The following DIP2C variants were observed in gnomAD, a reference collection of about 807,000 sequenced individuals.
DIP2C encodes the protein DIP2 acetate--CoA ligase C (putative).
In DIP2C, 33 loss-of-function variants were observed where a neutral mutation model predicts 192.4. The ratio of observed to expected loss-of-function variants is 0.17; its 90% CI spans 0.13 to 0.23. The LOEUF (loss-of-function observed/expected upper bound fraction) is 0.23, where lower values mean the gene tolerates loss of function less well. Ranked by LOEUF, DIP2C falls within the 10% of genes least tolerant of loss-of-function variation. DIP2C has a pLI of 1.00. For synonymous variants in DIP2C, 979 were observed against 864.1 expected (o/e 1.13, Z -2.33); for missense variants, 1,537 against 2,110.1 (o/e 0.73, Z 5.32).
chr10:433,707 G>T (rs1966949837), intron 4 of DIP2C, among the ~76,000 whole-genome samples: 1 of 151,872 alleles, frequency 6.6e-6, no homozygotes. Flanking sequence ...ATAAATTAGT[G>T]TTAACATTTA....
intron 3 of DIP2C, among the ~76,000 whole-genome samples, chr10:461,164 A>G (rs1969742439): frequency 6.6e-6 from 1 of 152,266 alleles, no homozygotes; most frequent in African/African-American, 2.4e-5. Context: ...ATAACCAGCT[A>G]GCATCATAAT....
chr10:446,536 T>C (rs1412624230), intron 3 of DIP2C, among the ~76,000 whole-genome samples: 1 of 152,252 alleles, frequency 6.6e-6, no homozygotes, highest in Non-Finnish European at 1.5e-5. Flanking sequence ...GTAAATCAAG[T>C]GTCTCATGCC....
At chr10:572,002 C>T (rs1849845851) in intron 1 of DIP2C, among the ~76,000 whole-genome samples, 1 of 152,230 alleles carries the variant, frequency 6.6e-6, no homozygotes, top group Non-Finnish European at 1.5e-5. Context: ...TTTGCGAAAT[C>T]TAAGCAACAT....
intron 1 of DIP2C, among the ~76,000 whole-genome samples, chr10:576,779 C>T (rs953674699): frequency 2.0e-5 from 3 of 152,170 alleles, no homozygotes; most frequent in East Asian, 1.9e-4. Context: ...TGGTGGCACG[C>T]GCCTGTAACC....
chr10:375,045 G>A (rs1961405204), intron 17 of DIP2C, among the ~76,000 whole-genome samples: 1 of 152,220 alleles, frequency 6.6e-6, no homozygotes, highest in Non-Finnish European at 1.5e-5. Context: ...AGATATGGAA[G>A]GAGCAAAATA....
At chr10:337,746 C>A (rs972841871) in intron 29 of DIP2C, among the ~76,000 whole-genome samples, 1 of 61,168 alleles carries the variant, frequency 1.6e-5, no homozygotes, top group Non-Finnish European at 3.2e-5. Flanking sequence ...TTGTGGAGGA[C>A]TAGGCTGATG....
chr10:634,552 T>G (rs1465147341), intron 1 of DIP2C, among the ~76,000 whole-genome samples: 3 of 152,152 alleles, frequency 2.0e-5, no homozygotes, highest in Non-Finnish European at 4.4e-5. Flanking sequence ...TAGTACTTAC[T>G]GAACAACGTC....
intron 29 of DIP2C, among the ~76,000 whole-genome samples, chr10:338,423 A>AG (rs1386067067): frequency 2.9e-4 from 38 of 131,228 alleles, no homozygotes; most frequent in Admixed American, 2.5e-3. Flanking sequence ...TGCCCTACAC[A>AG]GTTTTTTTTT....
intron 1 of DIP2C, among the ~76,000 whole-genome samples, chr10:684,131 T>C (rs2119100338): frequency 6.6e-6 from 1 of 152,348 alleles, no homozygotes; most frequent in East Asian, 1.9e-4. Context: ...GAAAAGAACA[T>C]TCAAATCAAA....
chr10:678,801 A>G (rs868059576), intron 1 of DIP2C, among the ~76,000 whole-genome samples: 7 of 56,786 alleles, frequency 1.2e-4, no homozygotes, highest in South Asian at 7.3e-4. Context: ...CATGCTCCCC[A>G]CGCCCATGCT....
At chr10:552,170 G>A (rs978244919) in intron 1 of DIP2C, among the ~76,000 whole-genome samples, 4 of 152,208 alleles carry the variant, frequency 2.6e-5, no homozygotes, top group African/African-American at 4.8e-5. Context: ...GACCAAGAAT[G>A]GCAACTAATC....
chr10:454,239 T>C (rs1388837461), intron 3 of DIP2C, among the ~76,000 whole-genome samples: 1 of 152,240 alleles, frequency 6.6e-6, no homozygotes, highest in African/African-American at 2.4e-5. Flanking sequence ...ATCAGCTTCA[T>C]GCAGCATTGA....
chr10:491,019 G>T (rs1397645837), intron 1 of DIP2C, among the ~76,000 whole-genome samples: 1 of 152,218 alleles, frequency 6.6e-6, no homozygotes, highest in Non-Finnish European at 1.5e-5. Flanking sequence ...TACAAAAGCA[G>T]GGAAAGGTCT....
At chr10:289,340 G>C (rs536956346) in intron 32 of DIP2C, among the ~76,000 whole-genome samples, 1 of 151,952 alleles carries the variant, frequency 6.6e-6, no homozygotes, top group Non-Finnish European at 1.5e-5. Flanking sequence ...CACAATCATG[G>C]CTCATCGCAG....
At chr10:491,321 T>C (rs1023295374) in intron 1 of DIP2C, among the ~76,000 whole-genome samples, 1 of 152,224 alleles carries the variant, frequency 6.6e-6, no homozygotes, top group Non-Finnish European at 1.5e-5. Flanking sequence ...ATGCTGGAAT[T>C]AATAGTTTAT....
intron 1 of DIP2C, among the ~76,000 whole-genome samples, chr10:639,311 C>A (rs1228367770): frequency 1.4e-5 from 2 of 145,910 alleles, no homozygotes; most frequent in Non-Finnish European, 3.0e-5. Flanking sequence ...AGGGTGCTGC[C>A]CGGCTCACGG....
intron 10 of DIP2C, among the ~76,000 whole-genome samples, chr10:397,132 T>C (rs1306356374): frequency 6.6e-6 from 1 of 152,196 alleles, no homozygotes; most frequent in Non-Finnish European, 1.5e-5. Flanking sequence ...CAAACTTTAA[T>C]GCTGGAGTAG....
At chr10:591,544 C>T (rs1048476856) in intron 1 of DIP2C, among the ~76,000 whole-genome samples, 16 of 151,882 alleles carry the variant, frequency 1.1e-4, no homozygotes, top group African/African-American at 3.9e-4. Context: ...ACAAATAAAA[C>T]ATCATGTTTA....
At chr10:612,669 C>T (rs1039665387) in intron 1 of DIP2C, among the ~76,000 whole-genome samples, 1 of 152,186 alleles carries the variant, frequency 6.6e-6, no homozygotes, top group Admixed American at 6.5e-5. Context: ...CAGCTCACAT[C>T]AGGTGGCATC....
Sources: gnomAD v4.1 joint callset for allele counts (sites outside exome capture counted in the v4.1 genomes callset) on GRCh38, gnomAD v4.1.1 for gene constraint, MANE v1.5 for transcripts, NCBI Gene and HGNC (gene_info 2026-07-23, HGNC 2026-07-21) for gene names.